Variants in DNAH12 observed in about 807,000 individuals in gnomAD.
The protein encoded by DNAH12 is dynein axonemal heavy chain 12, also known as axonemal beta dynein heavy chain 12.
DNAH12 carries 285 observed loss-of-function variants against 371.5 expected under a neutral mutation model. The observed-to-expected ratio is 0.77, with a 90% confidence interval of 0.70 to 0.85. The LOEUF is 0.85. Among genes scored for constraint, DNAH12 ranks in the 40% least tolerant of loss-of-function variants. DNAH12 has a pLI of 0.00. For missense variants in DNAH12, 3,611 were observed against 3,689.4 expected, an observed-to-expected ratio of 0.98 and a Z score of 0.55; for synonymous variants, 1,200 against 1,213.0, an observed-to-expected ratio of 0.99 and a Z score of 0.22.
At chr3:57,522,829 C>A (rs2068499378) in intron 4 of DNAH12, among the ~76,000 whole-genome samples, 1 of 151,680 alleles carries the variant, frequency 6.6e-6, no homozygotes. Flanking sequence ...GCCACTCATG[C>A]AGTCAGTGTC....
At chr3:57,346,151 G>A (rs1475829551) in intron 60 of DNAH12, among the ~76,000 whole-genome samples, 2 of 151,678 alleles carry the variant, frequency 1.3e-5, no homozygotes, top group African/African-American at 2.4e-5. Context: ...ATATTACTGT[G>A]GAACCAAAAA....
intron 11 of DNAH12, among the ~76,000 whole-genome samples, chr3:57,490,854 C>T (rs1025075955): frequency 1.1e-4 from 17 of 151,956 alleles, no homozygotes; most frequent in East Asian, 3.9e-4. Flanking sequence ...TGTGGGAAGC[C>T]GAGGCGGGTG....
At chr3:57,369,026 G>C (rs1351895193) in intron 55 of DNAH12, among the ~76,000 whole-genome samples, 1 of 151,740 alleles carries the variant, frequency 6.6e-6, no homozygotes, top group Non-Finnish European at 1.5e-5. Flanking sequence ...GGCCAACATG[G>C]TGAAAGCCCG....
At chr3:57,396,302 A>AC (rs1475846938) in intron 43 of DNAH12, among the ~76,000 whole-genome samples, 3,223 of 149,580 alleles carry the variant, frequency 0.022, 65 homozygotes, top group Non-Finnish European at 0.032. Context: ...AAAAAAAAAA[A>AC]AAAAAAAAGA....
In DNAH12 at chr3:57,489,640, A is replaced by G; in HGVS notation, c.1383T>C (p.Pro461=). 6.5e-7 allele frequency: 1 copy of G among 1,531,586 alleles called. No individual in the cohort carries two copies. Among genetic ancestry groups the G allele is most frequent in the Non-Finnish European group, 8.8e-7 (1 of 1,141,422 alleles). 94.9% of individuals were successfully genotyped at this position (1,531,586 alleles called of 1,614,324 possible). ...LSLASEIMLL[P]QWIHYTMVRL... ...GCACCATAGTGTAATGAATCCACTG[A>G]GGCAAAAGCATTATTTCTGAGGCAA... The change falls in exon 12 of 74, where the codon CCT becomes CCC. Residue 461 remains proline, a synonymous_variant. Coordinates refer to ENST00000495027, the MANE Select transcript of DNAH12 (RefSeq NM_001366028.2).
intron 1 of DNAH12, 85 bp from the exon 2 acceptor site, chr3:57,542,988 G>A (rs1460523840): frequency 9.6e-7 from 1 of 1,038,698 alleles, no homozygotes; most frequent in African/African-American, 1.7e-5. Context: ...AATACCAAAA[G>A]TAAAATTCTA....
chr3:57,397,182 G>A (rs2063759479), intron 43 of DNAH12, among the ~76,000 whole-genome samples: 1 of 149,654 alleles, frequency 6.7e-6, no homozygotes, highest in Admixed American at 6.6e-5. Context: ...GGGCTAGGAA[G>A]CTCTAGACCC....
intron 68 of DNAH12, among the ~76,000 whole-genome samples, 177 bp from the exon 69 acceptor site, chr3:57,309,431 C>T (rs961276567): frequency 1.3e-5 from 2 of 152,144 alleles, no homozygotes; most frequent in Non-Finnish European, 2.9e-5. Flanking sequence ...TTACTAAGAA[C>T]TTACTATATG....
rs1001394819 is a variant in DNAH12 at position 57,421,603 on chromosome 3, T to A, written c.5477A>T (p.Asp1826Val). Residue 1826 changes from aspartate (D) to valine (V), a missense_variant, in exon 36 of 74, where the codon GAT (aspartate) becomes GTT (valine). Physicochemically the swap from Asp to Val is radical, Grantham distance 152. This residue lies in a region of DNAH12 where 2,266 missense variants were observed against 2,236.9 expected (regional missense o/e 1.01). Transcript: ENST00000495027. ...AGAATCTGGCACTGGGTTTTCATCATCTTTTCCCAGTATGATTAATCGTAT... is the reference window on the plus strand; with the variant it reads ...AGAATCTGGCACTGGGTTTTCATCAACTTTTCCCAGTATGATTAATCGTAT... Reference protein sequence around the residue: ...TFIRLIILGKDDENPVPDSVG... With the variant: ...TFIRLIILGKVDENPVPDSVG... 3 of 1,551,574 alleles carry A rather than the reference T, an allele frequency of 1.9e-6. No homozygotes were observed. The highest frequency in any genetic ancestry group is 2.7e-5 in the African/African-American group (2 of 73,048).
chr3:57,332,938 C>T (rs2062134095), intron 62 of DNAH12, among the ~76,000 whole-genome samples: 1 of 152,052 alleles, frequency 6.6e-6, no homozygotes. Flanking sequence ...CTATTCTAGA[C>T]CATCCTAACA....
At position 57,413,875 on chromosome 3, in the gene DNAH12, C is replaced by T. The variant is rs1419085166; in HGVS notation, c.5891G>A (p.Gly1964Glu). 3.9e-6 allele frequency: 6 copies of T among 1,550,892 alleles called. No homozygotes were observed. In the Admixed American group the frequency reaches 5.9e-5, roughly 15 times the overall value. Residue 1964 changes from glycine to glutamate, a missense_variant, in exon 39 of 74, where the codon GGA becomes GAA. Physicochemically the swap from Gly to Glu is moderately conservative, Grantham distance 98. This residue lies in a region of DNAH12 where 2,266 missense variants were observed against 2,236.9 expected (regional missense o/e 1.01). Transcript: ENST00000495027. Reference protein sequence around the residue: ...IMARLDKRRKGVFGPPMGKKC... With the variant: ...IMARLDKRRKEVFGPPMGKKC... ...CTTTCCCATAGGTGGTCCAAAGACT[C>T]CTTTGCGTCTTTTATCCAATCTAGC...
At chr3:57,407,559 T>C (rs1490459745) in intron 40 of DNAH12, among the ~76,000 whole-genome samples, 1 of 152,192 alleles carries the variant, frequency 6.6e-6, no homozygotes. Flanking sequence ...GGGAGTTTTC[T>C]GCTTCCTGTT....
rs141425246 is a variant in DNAH12, at chr3:57,472,589, A to C, written c.1733T>G (p.Met578Arg). Residue 578 changes from methionine to arginine, a missense_variant, in exon 14 of 74, where the codon ATG becomes AGG. This residue lies in a region of DNAH12 where 1,314 missense variants were observed against 1,398.7 expected (regional missense o/e 0.94). Transcript: ENST00000495027. The part of the protein sequence containing the change: ...EDLALNATVL[M>R]WPRKINPIFD... Reference sequence around the variant, plus strand: ...GATGGGATTAATTTTCCTAGGCCACATGAGGACAGTTGCATTTAAAGCTAA... The same window carrying C: ...GATGGGATTAATTTTCCTAGGCCACCTGAGGACAGTTGCATTTAAAGCTAA... 7.9e-4 allele frequency: 1,218 copies of C among 1,551,076 alleles called. 11 individuals carry two copies. The African/African-American group carries it at 0.015, about 19-fold the overall frequency.
the DNAH12 span, among the ~76,000 whole-genome samples, chr3:57,553,572 C>T: frequency 1.3e-5 from 2 of 152,156 alleles, no homozygotes; most frequent in African/African-American, 4.8e-5. Context: ...CCAGGCTTCA[C>T]CATGGCCACC....
intron 4 of DNAH12, among the ~76,000 whole-genome samples, chr3:57,516,042 T>C (rs1247139078): frequency 1.2e-4 from 17 of 146,214 alleles, no homozygotes. Context: ...TCCATTAATG[T>C]ACTGCTTAGT....
chr3:57,524,246 C>T (rs2068557214), intron 2 of DNAH12, among the ~76,000 whole-genome samples: 1 of 152,088 alleles, frequency 6.6e-6, no homozygotes, highest in Non-Finnish European at 1.5e-5. Context: ...GTACCTCCTT[C>T]GATATCCATC....
intron 11 of DNAH12, among the ~76,000 whole-genome samples, chr3:57,490,824 C>T (rs2067090595): frequency 6.6e-6 from 1 of 152,062 alleles, no homozygotes; most frequent in South Asian, 2.1e-4. Context: ...CGTGGTGGCT[C>T]ACGCCTGTAA....
chr3:57,342,586 A>G (rs1200587345), intron 60 of DNAH12, among the ~76,000 whole-genome samples: 3 of 136,176 alleles, frequency 2.2e-5, no homozygotes, highest in Non-Finnish European at 4.6e-5. Flanking sequence ...TGAACACAGG[A>G]GGCAGGGGTT....
chr3:57,323,324 T>A, intron 63 of DNAH12, 64 bp from the exon 64 acceptor site: 2 of 1,500,660 alleles, frequency 1.3e-6, no homozygotes, highest in Non-Finnish European at 1.8e-6. Flanking sequence ...GTGCCTTATG[T>A]ATAGGTGTTT....
Sources: allele counts gnomAD v4.1 joint callset (sites outside exome capture counted in the v4.1 genomes callset), GRCh38; gene constraint gnomAD v4.1.1; regional missense constraint gnomAD v4.1.1; transcripts MANE v1.5; gene names NCBI Gene and HGNC (gene_info 2026-07-23, HGNC 2026-07-21).